Variants in DYNC2H1 observed in about 807,000 individuals in gnomAD.
DYNC2H1 encodes the protein cytoplasmic dynein 2 heavy chain 1.
In DYNC2H1, 410 loss-of-function variants were observed where a neutral mutation model predicts 570.0. The observed-to-expected ratio is 0.72, with a 90% CI of 0.66 to 0.78. The LOEUF (loss-of-function observed/expected upper bound fraction) is 0.78. Among genes scored for constraint, DYNC2H1 ranks in the 30% least tolerant of loss-of-function variants. The pLI is 0.00. For missense variants in DYNC2H1, 4,865 were observed against 5,046.4 expected (o/e 0.96, Z 1.09); for synonymous variants, 1,688 against 1,677.6 (o/e 1.01, Z -0.15).
chr11:103,167,794 G>C (rs1237916917), intron 31 of DYNC2H1, among the ~76,000 whole-genome samples: 1 of 152,150 alleles, frequency 6.6e-6, no homozygotes, highest in Non-Finnish European at 1.5e-5. Flanking sequence ...AACTGATCCT[G>C]TTGGGTTCAG....
rs1450394287 is a variant in DYNC2H1 at position 103,445,717 on chromosome 11, T to C, written c.12457-9469T>C. Among the ~76,000 whole-genome samples, 4 of 152,168 alleles carry C rather than the reference T, an allele frequency of 2.6e-5. No homozygotes were observed. In the East Asian group the frequency reaches 7.7e-4, roughly 29 times the overall value. On this transcript the variant is annotated intron_variant, in intron 85 of 88. Transcript: ENST00000375735. Reference sequence around the variant, plus strand: ...CCCAGGCTGGGGTGCAGTGGCTCGATCTCAGCTCATTGCAAGCTCTGCCTC... The same window carrying C: ...CCCAGGCTGGGGTGCAGTGGCTCGACCTCAGCTCATTGCAAGCTCTGCCTC...
intron 59 of DYNC2H1, among the ~76,000 whole-genome samples, chr11:103,229,202 C>T (rs910678952): frequency 2.0e-5 from 3 of 152,190 alleles, no homozygotes; most frequent in Non-Finnish European, 4.4e-5. Context: ...TTTTTGGTAT[C>T]TCAGGGAGCC....
At chr11:103,370,967 C>T (rs1441748194) in intron 83 of DYNC2H1, among the ~76,000 whole-genome samples, 2 of 152,060 alleles carry the variant, frequency 1.3e-5, no homozygotes, top group African/African-American at 4.8e-5. Context: ...ACAAAATTAA[C>T]TAAGGCACCA....
chr11:103,459,914 T>C (rs1565618637), intron 87 of DYNC2H1, among the ~76,000 whole-genome samples: 1 of 133,046 alleles, frequency 7.5e-6, no homozygotes, highest in Admixed American at 9.0e-5. Context: ...ATTGCGCCAC[T>C]GCAGTCCGCA....
chr11:103,414,800 AAATACCTAAG>A (rs1239930915), intron 84 of DYNC2H1, among the ~76,000 whole-genome samples: 2 of 152,338 alleles, frequency 1.3e-5, no homozygotes, highest in East Asian at 3.9e-4. Context: ...AAAGAGAGTA[AAATACCTAAG>A]AATACAACTT....
Position 103,334,799 on chromosome 11 carries a change from G to A in DYNC2H1, c.12039+10809G>A, listed in dbSNP as rs893957935. Among the ~76,000 whole-genome samples the A allele has an allele frequency of 6.6e-6, 1 of 152,018 alleles. No individual in the cohort carries two copies. The highest frequency in any genetic ancestry group is 1.5e-5 in the Non-Finnish European group (1 of 67,948). On this transcript the variant is annotated intron_variant, in intron 82 of 88. Transcript: ENST00000375735. This position sits in a 1 kb window ranked among gnomAD's most constrained non-coding sequence, Gnocchi z 4.3. ...TGCTTGTAGAACAAAGACCACAGTA[G>A]ACTACTACAGTATGATAGTTTTGCA...
At chr11:103,362,857 C>A (rs1409023117) in intron 83 of DYNC2H1, among the ~76,000 whole-genome samples, 1 of 151,950 alleles carries the variant, frequency 6.6e-6, no homozygotes, top group African/African-American at 2.4e-5. Flanking sequence ...TGGTGAAACC[C>A]CCATCTCTAC....
chr11:103,115,896 G>T (rs559273072), intron 4 of DYNC2H1, among the ~76,000 whole-genome samples: 1 of 152,226 alleles, frequency 6.6e-6, no homozygotes, highest in Non-Finnish European at 1.5e-5. Flanking sequence ...TCTTTTGAAT[G>T]GGTATTCACT....
At position 103,434,674 on chromosome 11, in the gene DYNC2H1, T is replaced by A. The variant is rs144739320; in HGVS notation, c.12367-1269T>A. Among the ~76,000 whole-genome samples, 603 of 152,198 alleles carry A rather than the reference T, an allele frequency of 4.0e-3. 5 individuals are homozygous for A. Among genetic ancestry groups the A allele is most frequent in the African/African-American group, 0.014 (577 of 41,536 alleles). On this transcript the variant is annotated intron_variant, in intron 84 of 88. Coordinates refer to ENST00000375735, the MANE Select transcript of DYNC2H1 (RefSeq NM_001377.3). ...CAAAACTTACTGGCTTAAAATAATG[T>A]TTTTTAAAAATCATTTATTTTTAGC...
At position 103,411,887 on chromosome 11, in the gene DYNC2H1, AT is replaced by A. The variant is rs1353784056; in HGVS notation, c.12366+12016del. Among the ~76,000 whole-genome samples, 5 of 152,222 alleles carry A rather than the reference AT, an allele frequency of 3.3e-5. No homozygotes were observed. In the East Asian group the frequency reaches 9.6e-4, roughly 29 times the overall value. On this transcript the variant is annotated intron_variant, in intron 84 of 88. Transcript: ENST00000375735. ...CTCAGAAAATATCACTATTTTTGAA[AT>A]ATTTGTATTATTTGCATGAAAATGA...
intron 79 of DYNC2H1, 33 bp downstream of exon 79, chr11:103,312,066 G>T (rs200658596): frequency 6.4e-7 from 1 of 1,574,154 alleles, no homozygotes; most frequent in South Asian, 1.2e-5. Context: ...TACATTCTAA[G>T]CTTTATATTT....
intron 84 of DYNC2H1, chr11:103,408,485 T>C (rs539098072): frequency 1.3e-5 from 2 of 152,182 alleles, no homozygotes; most frequent in East Asian, 1.9e-4. Flanking sequence ...ATTTGTTTGA[T>C]TGAGATAGTA....
chr11:103,251,055 GTTAATTGTGA>G (rs1192856496), intron 65 of DYNC2H1, among the ~76,000 whole-genome samples: 2 of 151,906 alleles, frequency 1.3e-5, no homozygotes, highest in Non-Finnish European at 2.9e-5. Context: ...TGTCAAGTTT[GTTAATTGTGA>G]TGTTCAAATC....
intron 88 of DYNC2H1, among the ~76,000 whole-genome samples, chr11:103,473,029 A>G (rs1421408154): frequency 6.6e-6 from 1 of 152,180 alleles, no homozygotes; most frequent in African/African-American, 2.4e-5. Flanking sequence ...TTGTTTCAGT[A>G]TGTGGTGATA....
At chr11:103,376,054 G>C (rs924110542) in intron 83 of DYNC2H1, among the ~76,000 whole-genome samples, 7 of 152,140 alleles carry the variant, frequency 4.6e-5, no homozygotes, top group Non-Finnish European at 8.8e-5. Context: ...TCCCCATGCT[G>C]TTCTGATGAT....
At position 103,439,510 on chromosome 11, in the gene DYNC2H1, A is replaced by C. The variant is rs515236; in HGVS notation, c.12456+3478A>C. Among the ~76,000 whole-genome samples, 95,096 of 151,396 alleles carry C rather than the reference A, an allele frequency of 0.63. 30,411 individuals carry two copies. The highest frequency in any genetic ancestry group is 0.88 in the East Asian group (4,525 of 5,130). On this transcript the variant is annotated intron_variant, in intron 85 of 88. Coordinates refer to ENST00000375735, the MANE Select transcript of DYNC2H1 (RefSeq NM_001377.3). This position sits in a 1 kb window ranked among gnomAD's most constrained non-coding sequence, Gnocchi z 4.1. ...AAGGACAAAAGGTAACCATTGCAGC[A>C]TTTTAAGAAGGAAAGTCAGATTATG... is the stretch of plus-strand genomic sequence containing the variant.
chr11:103,252,621 C>A lies in DYNC2H1; in HGVS notation c.10043-664C>A, dbSNP rs554113087. On this transcript the variant is annotated intron_variant, in intron 65 of 88. Coordinates refer to ENST00000375735, the MANE Select transcript of DYNC2H1 (RefSeq NM_001377.3). This position sits in a 1 kb window ranked among gnomAD's most constrained non-coding sequence, Gnocchi z 4.6. ...TGATGTTGAGCATCGTTTCATATAGCTGTTGGCCATATTTGTATCTTCTTT... is the reference window on the plus strand; with the variant it reads ...TGATGTTGAGCATCGTTTCATATAGATGTTGGCCATATTTGTATCTTCTTT... Among the ~76,000 whole-genome samples, 1 of 152,236 alleles carries A rather than the reference C, an allele frequency of 6.6e-6. No individual in the cohort carries two copies. Among genetic ancestry groups the A allele is most frequent in the Non-Finnish European group, 1.5e-5 (1 of 68,004 alleles).
chr11:103,401,164 G>A (rs1043907548), intron 84 of DYNC2H1, among the ~76,000 whole-genome samples: 1 of 152,174 alleles, frequency 6.6e-6, no homozygotes, highest in Non-Finnish European at 1.5e-5. Flanking sequence ...ATTTGAGGCA[G>A]TGGGGTGTTA....
At chr11:103,146,662 G>A (rs892665178) in intron 18 of DYNC2H1, among the ~76,000 whole-genome samples, 7 of 152,188 alleles carry the variant, frequency 4.6e-5, no homozygotes, top group Admixed American at 1.3e-4. Context: ...GAGTGCAGTA[G>A]TGTGATCTCG....
Sources: gnomAD v4.1 joint callset for allele counts (sites outside exome capture counted in the v4.1 genomes callset) on GRCh38, gnomAD v4.1.1 for gene constraint, Gnocchi (gnomAD v3.1) non-coding constraint, MANE v1.5 for transcripts, NCBI Gene and HGNC (gene_info 2026-07-23, HGNC 2026-07-21) for gene names.